The following CAPN14 variants were observed in gnomAD, a reference collection of about 807,000 sequenced individuals.
CAPN14 encodes the protein calpain 14, also known as calpain-14.
CAPN14 carries 94 observed loss-of-function variants against 101.3 expected under a neutral mutation model. The ratio of observed to expected loss-of-function variants is 0.93; its 90% CI spans 0.79 to 1.10. The LOEUF (loss-of-function observed/expected upper bound fraction) is 1.10, where lower values mean the gene tolerates loss of function less well. Ranked by LOEUF, CAPN14 falls within the 50% of genes least tolerant of loss-of-function variation. The probability of loss-of-function intolerance (pLI) is 0.00; values close to 1 mark genes in which losing one functional copy is unlikely to be tolerated. For missense variants in CAPN14, 837 were observed against 828.4 expected, an observed-to-expected ratio of 1.01 and a Z score of -0.13; for synonymous variants, 338 against 317.9, an observed-to-expected ratio of 1.06 and a Z score of -0.67.
intron 6 of CAPN14, among the ~76,000 whole-genome samples, chr2:31,200,194 G>A (rs1285987270): frequency 6.6e-6 from 1 of 152,094 alleles, no homozygotes; most frequent in African/African-American, 2.4e-5. Flanking sequence ...CAGCAGAGAC[G>A]GGGTTTCACC....
At chr2:31,225,756 A>G (rs1683003312) in intron 2 of CAPN14, among the ~76,000 whole-genome samples, 1 of 152,114 alleles carries the variant, frequency 6.6e-6, no homozygotes, top group South Asian at 2.1e-4. Context: ...CACTGGTGGT[A>G]TGGTGTTGAC....
In CAPN14 at chr2:31,173,261, G is replaced by C. The variant is rs1446560929; in HGVS notation, c.*1420C>G. ...ATTTTATCATTTGGAATAAATGAAGGGTTTTTTTTCCTAAATAAAATACTT... is the reference window on the plus strand; with the variant it reads ...ATTTTATCATTTGGAATAAATGAAGCGTTTTTTTTCCTAAATAAAATACTT... On this transcript the variant is annotated 3_prime_UTR_variant, in exon 22 of 22. Transcript: ENST00000403897. 1 of 152,168 alleles carries C rather than the reference G, an allele frequency of 6.6e-6. No homozygotes were observed. The highest frequency in any genetic ancestry group is 1.5e-5 in the Non-Finnish European group (1 of 68,026). 9.4% of individuals were successfully genotyped at this position (152,168 alleles called of 1,614,324 possible). A position where few individuals can be genotyped will look rare whatever the true frequency, so the allele number is the denominator to read the frequency against.
intron 16 of CAPN14, among the ~76,000 whole-genome samples, chr2:31,183,971 T>G (rs546832251): frequency 6.6e-6 from 1 of 151,994 alleles, no homozygotes; most frequent in East Asian, 1.9e-4. Context: ...AACCTCCACC[T>G]CCCAGGTTCA....
chr2:31,178,389 T>C (rs575340143), intron 18 of CAPN14, 122 bp downstream of exon 18: 6 of 735,962 alleles, frequency 8.2e-6, no homozygotes, highest in Admixed American at 2.2e-5. Context: ...GAAGGGAGAA[T>C]AGAGAAGGTT....
intron 2 of CAPN14, among the ~76,000 whole-genome samples, chr2:31,224,597 T>C (rs997287295): frequency 6.6e-6 from 1 of 151,948 alleles, no homozygotes; most frequent in East Asian, 1.9e-4. Flanking sequence ...TAAACCAACA[T>C]AGTATTAATA....
chr2:31,218,744 T>A (rs1682762344), upstream of CAPN14, among the ~76,000 whole-genome samples: 2 of 152,186 alleles, frequency 1.3e-5, no homozygotes, highest in Non-Finnish European at 2.9e-5. Flanking sequence ...ACAGCAGAGA[T>A]GGGGCTAAAG....
At chr2:31,184,133 T>G (rs2148675724) in intron 16 of CAPN14, among the ~76,000 whole-genome samples, 1 of 152,336 alleles carries the variant, frequency 6.6e-6, no homozygotes, top group East Asian at 1.9e-4. Flanking sequence ...TCCACCCATC[T>G]GGGCCTCCCA....
chr2:31,183,234 T>C (rs1680739315), intron 16 of CAPN14, among the ~76,000 whole-genome samples: 1 of 152,056 alleles, frequency 6.6e-6, no homozygotes, highest in Non-Finnish European at 1.5e-5. Context: ...ATAAAAACCC[T>C]AGAAGAAAAC....
At chr2:31,222,330 C>G (rs556185903), upstream of CAPN14, among the ~76,000 whole-genome samples, 1 of 152,240 alleles carries the variant, frequency 6.6e-6, no homozygotes, top group East Asian at 1.9e-4. Flanking sequence ...ATACCTGGGC[C>G]TCCCGAACAC....
At chr2:31,195,564 T>G (rs1159168966) in intron 8 of CAPN14, among the ~76,000 whole-genome samples, 1 of 152,196 alleles carries the variant, frequency 6.6e-6, no homozygotes, top group African/African-American at 2.4e-5. Context: ...CTTGAACTCC[T>G]GACCTTAAAA....
intron 2 of CAPN14, among the ~76,000 whole-genome samples, chr2:31,223,063 C>T (rs1232882516): frequency 2.6e-5 from 4 of 152,204 alleles, no homozygotes; most frequent in African/African-American, 4.8e-5. Context: ...ATGCTGGTGC[C>T]GTGATCTCGG....
intron 2 of CAPN14, among the ~76,000 whole-genome samples, chr2:31,224,430 C>T (rs1682960153): frequency 6.6e-6 from 1 of 151,916 alleles, no homozygotes; most frequent in Non-Finnish European, 1.5e-5. Context: ...TCATCATGCC[C>T]AAGCCAAGGG....
At chr2:31,186,606 T>A (rs1422735291) in intron 15 of CAPN14, 121 bp from the exon 16 acceptor site, 1 of 688,556 alleles carries the variant, frequency 1.5e-6, no homozygotes, top group African/African-American at 1.9e-5. Flanking sequence ...TCACAATGCT[T>A]TTTAACTGGG....
rs1330116517 is a variant in CAPN14 at position 31,178,588 on chromosome 2, T to C, written c.1711-9A>G. The C allele has an allele frequency of 1.9e-5, 29 of 1,511,832 alleles. No individual in the cohort carries two copies. Among genetic ancestry groups the C allele is most frequent in the Non-Finnish European group, 2.5e-5 (28 of 1,128,184 alleles). The allele number at this position is 1,511,832 out of a possible 1,614,324, so 93.7% of individuals were successfully genotyped here. A position where few individuals can be genotyped will look rare whatever the true frequency, so the allele number is the denominator to read the frequency against. ...GTACCTGATGCATTAAGCTGATTAA[T>C]AGGTTAAGGTAAAAGCTTCCAGGGA... is the stretch of plus-strand genomic sequence containing the variant. On this transcript the variant is annotated splice_polypyrimidine_tract_variant and intron_variant, in intron 17 of 21. Transcript: ENST00000403897.
chr2:31,214,527 T>C (rs1363316369), intron 1 of CAPN14, among the ~76,000 whole-genome samples: 1 of 152,088 alleles, frequency 6.6e-6, no homozygotes, highest in African/African-American at 2.4e-5. Context: ...AAAGGGAACA[T>C]GCACCTTGGG....
chr2:31,176,772 A>C, intron 20 of CAPN14, 130 bp from the exon 21 acceptor site: 1 of 833,598 alleles, frequency 1.2e-6, no homozygotes, highest in Non-Finnish European at 2.0e-6. Flanking sequence ...GTCAGCCTAC[A>C]TGTGACCACA....
At chr2:31,227,451 C>T (rs1258966215) in intron 1 of CAPN14, among the ~76,000 whole-genome samples, 1 of 152,240 alleles carries the variant, frequency 6.6e-6, no homozygotes, top group African/African-American at 2.4e-5. Flanking sequence ...ACAGTTCCCT[C>T]ACCTGTGTAT....
intron 1 of CAPN14, among the ~76,000 whole-genome samples, chr2:31,208,204 T>C (rs1682206162): frequency 1.3e-5 from 2 of 151,964 alleles, no homozygotes; most frequent in South Asian, 2.1e-4. Context: ...TTTTCCCTAA[T>C]GTGGATGAGT....
intron 10 of CAPN14, among the ~76,000 whole-genome samples, chr2:31,192,657 G>T (rs1681252289): frequency 6.6e-6 from 1 of 152,134 alleles, no homozygotes; most frequent in Non-Finnish European, 1.5e-5. Flanking sequence ...AGACAGGTTT[G>T]TCTCCCGTAT....
Sources: gnomAD v4.1 joint callset for allele counts (sites outside exome capture counted in the v4.1 genomes callset) on GRCh38, gnomAD v4.1.1 for gene constraint, MANE v1.5 for transcripts, NCBI Gene and HGNC (gene_info 2026-07-23, HGNC 2026-07-21) for gene names.